KLHL29: variants seen among roughly 807,000 people sequenced by gnomAD.
KLHL29 encodes the protein kelch like family member 29, also known as kelch-like protein 29.
A neutral mutation model predicts 80.4 loss-of-function variants in KLHL29; 21 were observed. The ratio of observed to expected loss-of-function variants is 0.26; its 90% CI spans 0.19 to 0.38. The LOEUF is 0.38. KLHL29 is among the 10% of genes least tolerant of loss of function. The pLI is 1.00. For missense variants in KLHL29, 867 were observed against 1,223.9 expected (o/e 0.71, Z 4.35); for synonymous variants, 511 against 526.8 (o/e 0.97, Z 0.41).
chr2:23,482,264 G>A (rs1235901432), intron 2 of KLHL29, among the ~76,000 whole-genome samples: 3 of 152,202 alleles, frequency 2.0e-5, no homozygotes, highest in Non-Finnish European at 4.4e-5. Context: ...TGGCACCTGG[G>A]CTAGAAATAG....
chr2:23,536,185 G>C (rs1666655184), intron 2 of KLHL29, among the ~76,000 whole-genome samples: 1 of 152,152 alleles, frequency 6.6e-6, no homozygotes, highest in Non-Finnish European at 1.5e-5. Context: ...TCGCGCCACT[G>C]GTTTAACTTG....
At chr2:23,628,535 C>T (rs1283961310) in intron 3 of KLHL29, among the ~76,000 whole-genome samples, 1 of 152,142 alleles carries the variant, frequency 6.6e-6, no homozygotes, top group Non-Finnish European at 1.5e-5. Flanking sequence ...ACCTGTAATC[C>T]CAGTGTTTTG....
chr2:23,442,054 A>T (rs528122938), intron 1 of KLHL29, among the ~76,000 whole-genome samples: 20 of 152,234 alleles, frequency 1.3e-4, no homozygotes, highest in African/African-American at 4.6e-4. Flanking sequence ...TGGAGAAGCT[A>T]TCTTGGGTTA....
At chr2:23,526,951 C>T (rs1021723527) in intron 2 of KLHL29, among the ~76,000 whole-genome samples, 1 of 152,164 alleles carries the variant, frequency 6.6e-6, no homozygotes. Context: ...GGAGCCCCCG[C>T]AGGGTTTCGT....
intron 6 of KLHL29, among the ~76,000 whole-genome samples, chr2:23,687,612 T>A (rs1671325586): frequency 6.6e-6 from 1 of 152,176 alleles, no homozygotes; most frequent in South Asian, 2.1e-4. Flanking sequence ...GCAGAGACGA[T>A]GCTTCAGAGA....
At chr2:23,408,263 T>TAAAAAAAAAAA (rs55790582) in intron 1 of KLHL29, among the ~76,000 whole-genome samples, 27 of 52,684 alleles carry the variant, frequency 5.1e-4, no homozygotes, top group Admixed American at 1.5e-3. Flanking sequence ...CATTTCACGC[T>TAAAAAAAAAAA]AAAAAAAAAA....
chr2:23,675,863 A>G (rs1051520522), intron 5 of KLHL29, among the ~76,000 whole-genome samples: 1 of 152,232 alleles, frequency 6.6e-6, no homozygotes, highest in South Asian at 2.1e-4. Context: ...TGGTATTTCA[A>G]ATAGTTCCAG....
intron 5 of KLHL29, among the ~76,000 whole-genome samples, chr2:23,650,448 CCTCT>C (rs1324998488): frequency 6.6e-6 from 1 of 152,162 alleles, no homozygotes; most frequent in Non-Finnish European, 1.5e-5. Flanking sequence ...CCAAGCCATC[CCTCT>C]CTCTCAATGC....
chr2:23,604,245 A>C (rs1668647795), intron 3 of KLHL29, among the ~76,000 whole-genome samples: 2 of 149,456 alleles, frequency 1.3e-5, no homozygotes, highest in South Asian at 2.2e-4. Context: ...CTGGGACTAC[A>C]GGCGCCCGCC....
chr2:23,701,033 TCTGA>T (rs144041441), intron 11 of KLHL29, among the ~76,000 whole-genome samples: 1 of 152,080 alleles, frequency 6.6e-6, no homozygotes. Context: ...CACCCAAATA[TCTGA>T]CTGTCTGCTG....
chr2:23,573,068 G>A (rs1667757046), intron 3 of KLHL29, among the ~76,000 whole-genome samples: 1 of 22,216 alleles, frequency 4.5e-5, no homozygotes, highest in East Asian at 1.5e-3. Flanking sequence ...AAGCCTCACG[G>A]GTTCGTAGTT....
intron 2 of KLHL29, among the ~76,000 whole-genome samples, chr2:23,478,015 T>G (rs966728478): frequency 3.3e-5 from 5 of 152,150 alleles, no homozygotes; most frequent in Non-Finnish European, 7.3e-5. Flanking sequence ...GGGGAGGGAC[T>G]TTGAGGGCAG....
intron 2 of KLHL29, among the ~76,000 whole-genome samples, chr2:23,504,143 T>C (rs1217733912): frequency 6.6e-6 from 1 of 152,240 alleles, no homozygotes; most frequent in African/African-American, 2.4e-5. Context: ...GAGAAGGTTA[T>C]GCTTCGTATA....
intron 2 of KLHL29, among the ~76,000 whole-genome samples, chr2:23,559,736 G>T (rs1572400805): frequency 6.6e-6 from 1 of 152,082 alleles, no homozygotes; most frequent in Non-Finnish European, 1.5e-5. Flanking sequence ...GGAGGTGGGG[G>T]TGGTGCTTAA....
At chr2:23,614,534 A>C (rs946688129) in intron 3 of KLHL29, among the ~76,000 whole-genome samples, 3 of 152,266 alleles carry the variant, frequency 2.0e-5, no homozygotes, top group Non-Finnish European at 4.4e-5. Context: ...AAAGGTATAG[A>C]AGATTTGCAA....
chr2:23,425,756 C>G (rs1231242529), intron 1 of KLHL29, among the ~76,000 whole-genome samples: 1 of 152,220 alleles, frequency 6.6e-6, no homozygotes, highest in Non-Finnish European at 1.5e-5. Context: ...TTTCTGAGAA[C>G]TGGCTGTCAC....
intron 1 of KLHL29, among the ~76,000 whole-genome samples, chr2:23,402,927 T>C (rs1023244857): frequency 1.3e-5 from 2 of 150,526 alleles, no homozygotes; most frequent in African/African-American, 4.9e-5. Context: ...ATATATCTTA[T>C]ATATCATATA....
intron 1 of KLHL29, among the ~76,000 whole-genome samples, chr2:23,446,743 C>G (rs1214296219): frequency 6.6e-6 from 1 of 152,144 alleles, no homozygotes. Flanking sequence ...CCTCTTTTTA[C>G]CCAGCTTTCC....
At chr2:23,593,621 C>T (rs577598225) in intron 3 of KLHL29, among the ~76,000 whole-genome samples, 12 of 152,324 alleles carry the variant, frequency 7.9e-5, no homozygotes, top group Admixed American at 6.5e-5. Context: ...GGAAGGACGT[C>T]AGACCCCTCG....
Sources: allele counts gnomAD v4.1 joint callset (sites outside exome capture counted in the v4.1 genomes callset), GRCh38; gene constraint gnomAD v4.1.1; transcripts MANE v1.5; gene names NCBI Gene and HGNC (gene_info 2026-07-23, HGNC 2026-07-21).